Variants in FREM1 observed in about 807,000 individuals in gnomAD.
FREM1 encodes the protein FRAS1 related extracellular matrix 1, also known as FRAS1-related extracellular matrix protein 1.
In FREM1, 220 loss-of-function variants were observed where a neutral mutation model predicts 210.1. The observed-to-expected ratio is 1.05, with a 90% CI of 0.94 to 1.17. FREM1 has a LOEUF of 1.17. Ranked by LOEUF, FREM1 falls within the 50% of genes most tolerant of loss-of-function variation. The pLI is 0.00. For synonymous variants in FREM1, 1,189 were observed against 980.2 expected (o/e 1.21, Z -3.98); for missense variants, 3,454 against 2,675.5 (o/e 1.29, Z -6.42).
At chr9:14,829,809 C>T (rs1823197540) in intron 10 of FREM1, among the ~76,000 whole-genome samples, 1 of 152,190 alleles carries the variant, frequency 6.6e-6, no homozygotes, top group Admixed American at 6.5e-5. Context: ...ATTTCCAACT[C>T]TATTCTACTT....
At chr9:14,894,630 G>A (rs1837385949) in intron 1 of FREM1, among the ~76,000 whole-genome samples, 1 of 152,270 alleles carries the variant, frequency 6.6e-6, no homozygotes, top group East Asian at 1.9e-4. Flanking sequence ...GCTTAAAACG[G>A]TGCTAATCCT....
At chr9:14,863,176 C>T (rs1375709548) in intron 3 of FREM1, among the ~76,000 whole-genome samples, 3 of 151,888 alleles carry the variant, frequency 2.0e-5, no homozygotes, top group Admixed American at 2.0e-4. Context: ...CCTACCTCTA[C>T]TAAAAATACA....
intron 1 of FREM1, among the ~76,000 whole-genome samples, chr9:14,869,805 T>C (rs371446518): frequency 3.9e-5 from 6 of 152,326 alleles, no homozygotes; most frequent in African/African-American, 2.4e-5. Context: ...ACAGAAAATA[T>C]GCTTTTTTCT....
At chr9:14,747,229 A>T (rs1842630565) in intron 33 of FREM1, 35 bp downstream of exon 33, 1 of 1,603,704 alleles carries the variant, frequency 6.2e-7, no homozygotes, top group Non-Finnish European at 8.5e-7. Flanking sequence ...ACAACTTGTT[A>T]TAAGGTGAGT....
chr9:14,875,988 C>T (rs1376536478), intron 1 of FREM1, among the ~76,000 whole-genome samples: 2 of 152,100 alleles, frequency 1.3e-5, no homozygotes, highest in African/African-American at 4.8e-5. Context: ...TGCAGAACAG[C>T]GGATTTTCGT....
chr9:14,840,657 A>G (rs1825520651), intron 10 of FREM1, among the ~76,000 whole-genome samples: 1 of 152,182 alleles, frequency 6.6e-6, no homozygotes, highest in African/African-American at 2.4e-5. Flanking sequence ...GGGAGTTACA[A>G]TTCAAGATGA....
At chr9:14,873,792 C>G (rs1363222859) in intron 1 of FREM1, among the ~76,000 whole-genome samples, 1 of 152,032 alleles carries the variant, frequency 6.6e-6, no homozygotes, top group African/African-American at 2.4e-5. Context: ...CCTGCTTTCT[C>G]TTGTGGGCAT....
chr9:14,795,879 C>G (rs556359796), intron 21 of FREM1, among the ~76,000 whole-genome samples: 1 of 152,120 alleles, frequency 6.6e-6, no homozygotes, highest in African/African-American at 2.4e-5. Flanking sequence ...GTGGATGCCC[C>G]GGGGCCCTCA....
At chr9:14,799,923 A>G (rs1240946356) in intron 20 of FREM1, among the ~76,000 whole-genome samples, 1 of 149,376 alleles carries the variant, frequency 6.7e-6, no homozygotes, top group Non-Finnish European at 1.5e-5. Flanking sequence ...CACTAGATAT[A>G]TCTCCTAATG....
At chr9:14,822,639 G>C (rs1821590529) in intron 13 of FREM1, among the ~76,000 whole-genome samples, 1 of 152,176 alleles carries the variant, frequency 6.6e-6, no homozygotes. Context: ...AAATGCACAA[G>C]GTAGCAATGC....
In FREM1 at chr9:14,806,590, G is replaced by T. The variant is rs1818412755; in HGVS notation, c.3274+71C>A. ...TTGAAAGTCCTTACAAAGTTATTAAGCATGACCTGGCCAATCGCTTCCATA... is the reference window on the plus strand; with the variant it reads ...TTGAAAGTCCTTACAAAGTTATTAATCATGACCTGGCCAATCGCTTCCATA... On this transcript the variant is annotated intron_variant, in intron 18 of 36. Coordinates refer to ENST00000380880, the MANE Select transcript of FREM1 (RefSeq NM_001379081.2). 9 of 908,682 alleles carry T rather than the reference G, an allele frequency of 9.9e-6. No individual in the cohort carries two copies. In the South Asian group the frequency reaches 1.2e-4, roughly 12 times the overall value. 56.3% of individuals were successfully genotyped at this position (908,682 alleles called of 1,614,324 possible).
chr9:14,868,770 G>C lies in FREM1; in HGVS notation c.208C>G (p.Gln70Glu). 6.2e-7 allele frequency: 1 copy of C among 1,612,046 alleles called. No individual in the cohort carries two copies. The highest frequency in any genetic ancestry group is 8.5e-7 in the Non-Finnish European group (1 of 1,179,050). Reference sequence around the variant, plus strand: ...TGTGGAGTGAGTTTCCCAACCCTCTGGGTTATTGGCTCATTCATCACAACT... The same window carrying C: ...TGTGGAGTGAGTTTCCCAACCCTCTCGGTTATTGGCTCATTCATCACAACT... ...VEVVMNEPIT[Q>E]RVGKLTPQVF... The change falls in exon 2 of 37, where the codon CAG (glutamine) becomes GAG (glutamate). Residue 70 changes from glutamine to glutamate, a missense_variant. By Grantham distance (29) the Gln-to-Glu change is conservative (BLOSUM62 2). Coordinates refer to ENST00000380880, the MANE Select transcript of FREM1 (RefSeq NM_001379081.2).
intron 27 of FREM1, among the ~76,000 whole-genome samples, chr9:14,763,101 T>C (rs1428750213): frequency 1.3e-5 from 2 of 152,224 alleles, no homozygotes; most frequent in African/African-American, 4.8e-5. Flanking sequence ...ACACATTTTA[T>C]GTGTAACCCA....
At chr9:14,759,704 A>T (rs1845120920) in intron 28 of FREM1, 68 bp downstream of exon 28, 2 of 1,379,956 alleles carry the variant, frequency 1.4e-6, no homozygotes, top group Non-Finnish European at 1.9e-6. Context: ...TTCTAAAAAA[A>T]ATATAATGAA....
At chr9:14,870,155 A>G (rs11788565) in intron 1 of FREM1, among the ~76,000 whole-genome samples, 21,052 of 152,286 alleles carry the variant, frequency 0.14, 1,894 homozygotes, top group Middle Eastern at 0.24. Context: ...AATAATTTCA[A>G]TAAATTTCTG....
intron 1 of FREM1, among the ~76,000 whole-genome samples, chr9:14,900,850 G>C (rs1267264056): frequency 2.0e-5 from 3 of 152,194 alleles, no homozygotes; most frequent in African/African-American, 7.2e-5. Context: ...CAGGCTATGG[G>C]ATTCTTTGGT....
intron 34 of FREM1, among the ~76,000 whole-genome samples, 200 bp downstream of exon 34, chr9:14,746,723 A>C (rs578001349): frequency 1.3e-5 from 2 of 152,362 alleles, no homozygotes; most frequent in East Asian, 1.9e-4. Context: ...CATCTTCTTA[A>C]ATGGTATTGA....
intron 6 of FREM1, among the ~76,000 whole-genome samples, chr9:14,851,016 C>A (rs1274450641): frequency 6.6e-6 from 1 of 152,210 alleles, no homozygotes; most frequent in Non-Finnish European, 1.5e-5. Context: ...TGTATCCTTG[C>A]AGGGCAGTGG....
intron 4 of FREM1, among the ~76,000 whole-genome samples, chr9:14,858,482 G>C (rs184079270): frequency 6.7e-6 from 1 of 149,952 alleles, no homozygotes; most frequent in South Asian, 2.1e-4. Flanking sequence ...TTATAGGTGT[G>C]AGCCACCATG....
Sources: allele counts gnomAD v4.1 joint callset (sites outside exome capture counted in the v4.1 genomes callset), GRCh38; gene constraint gnomAD v4.1.1; transcripts MANE v1.5; gene names NCBI Gene and HGNC (gene_info 2026-07-23, HGNC 2026-07-21).